AFF4: variants seen among roughly 807,000 people sequenced by gnomAD.
The protein encoded by AFF4 is AF4/FMR2 family member 4.
A neutral mutation model predicts 124.8 loss-of-function variants in AFF4; 13 were observed. The observed-to-expected ratio is 0.10, with a 90% CI of 0.07 to 0.17. The LOEUF is 0.17. Ranked by LOEUF, AFF4 falls within the 10% of genes least tolerant of loss-of-function variation. AFF4 has a pLI of 1.00. For missense variants in AFF4, 1,092 were observed against 1,403.8 expected (o/e 0.78, Z 3.55); for synonymous variants, 477 against 496.1 (o/e 0.96, Z 0.51).
intron 1 of AFF4, among the ~76,000 whole-genome samples, chr5:132,955,006 T>C (rs960281211): frequency 4.6e-5 from 7 of 152,198 alleles, no homozygotes; most frequent in Admixed American, 2.6e-4. Context: ...GGATGCTGAA[T>C]GCAGAGATTG....
chr5:132,913,776 T>C (rs1442025456), intron 5 of AFF4, among the ~76,000 whole-genome samples: 1 of 151,886 alleles, frequency 6.6e-6, no homozygotes, highest in African/African-American at 2.4e-5. Flanking sequence ...CACAAAACAT[T>C]AGCAAAAAAA....
rs773625755 is a variant in AFF4 at position 132,927,105 on chromosome 5, C to T, written c.1050+16G>A. On this transcript the variant is annotated intron_variant, in intron 5 of 20. Coordinates refer to ENST00000265343, the MANE Select transcript of AFF4 (RefSeq NM_014423.4). ...GAGTTTTCTTACATTATGAAAGATA[C>T]ATTTTATTTACTTACCTTAGTTGGA... is the stretch of plus-strand genomic sequence containing the variant. 15 of 1,601,122 alleles carry T rather than the reference C, an allele frequency of 9.4e-6. No homozygotes were observed. The highest frequency in any genetic ancestry group is 1.2e-5 in the Non-Finnish European group (14 of 1,171,022).
At chr5:132,922,129 A>G (rs1761061900) in intron 5 of AFF4, among the ~76,000 whole-genome samples, 1 of 152,176 alleles carries the variant, frequency 6.6e-6, no homozygotes. Context: ...ATACAGACAT[A>G]AAAACAGGCC....
At chr5:132,928,357 A>G (rs968598746) in intron 4 of AFF4, among the ~76,000 whole-genome samples, 15 of 152,144 alleles carry the variant, frequency 9.9e-5, no homozygotes, top group African/African-American at 3.6e-4. Context: ...AGGTCATCAA[A>G]ACCTTAAACC....
chr5:132,934,156 T>G lies in AFF4; in HGVS notation c.909A>C (p.Gln303His). Reference protein sequence around the residue: ...AHLTKLKIPSQPLDASASGDV... With the variant: ...AHLTKLKIPSHPLDASASGDV... Reference sequence around the variant, plus strand: ...TAAATGTGTGACTTACATCCAGTGGTTGGGAAGGTATTTTCAGCTTGGTGA... The same window carrying G: ...TAAATGTGTGACTTACATCCAGTGGGTGGGAAGGTATTTTCAGCTTGGTGA... The change falls in exon 3 of 21, where the codon CAA becomes CAC. Residue 303 changes from glutamine (Q) to histidine (H), a missense_variant. Around this residue, in one of 11 missense-constraint regions of AFF4, gnomAD observed 148 missense variants for 196.3 expected, o/e 0.75. Transcript: ENST00000265343. The G allele has an allele frequency of 1.2e-6, 2 of 1,611,966 alleles. No individual in the cohort carries two copies. The highest frequency in any genetic ancestry group is 1.7e-6 in the Non-Finnish European group (2 of 1,178,466).
chr5:132,941,391 T>C (rs914080479), intron 1 of AFF4, among the ~76,000 whole-genome samples: 14 of 152,246 alleles, frequency 9.2e-5, no homozygotes, highest in Admixed American at 5.2e-4. Context: ...TGGAAAGCAG[T>C]GGCACAATCT....
At chr5:132,893,317 A>G (rs1760308629) in intron 11 of AFF4, among the ~76,000 whole-genome samples, 199 bp from the exon 12 acceptor site, 2 of 152,352 alleles carry the variant, frequency 1.3e-5, no homozygotes, top group South Asian at 2.1e-4. Flanking sequence ...CAAAACCCAG[A>G]GACTGAAACG....
At chr5:132,929,343 C>T (rs1761251160) in intron 4 of AFF4, among the ~76,000 whole-genome samples, 1 of 152,070 alleles carries the variant, frequency 6.6e-6, no homozygotes, top group South Asian at 2.1e-4. Context: ...GTGCCAAGCC[C>T]CTGCACATAT....
chr5:132,889,253 G>T, intron 13 of AFF4, 80 bp from the exon 14 acceptor site: 1 of 991,078 alleles, frequency 1.0e-6, no homozygotes, highest in Non-Finnish European at 1.5e-6. Flanking sequence ...TCAGCCACTG[G>T]TAAAAAGGAA....
chr5:132,899,073 C>A (rs1199166853), intron 9 of AFF4, 31 bp downstream of exon 9: 2 of 1,603,758 alleles, frequency 1.2e-6, no homozygotes, highest in African/African-American at 2.7e-5. Context: ...CCAACTCTTA[C>A]CAATAAAACA....
At chr5:132,945,174 G>A (rs1443953990) in intron 1 of AFF4, 1 of 152,468 alleles carries the variant, frequency 6.6e-6, no homozygotes, top group Non-Finnish European at 1.5e-5. Context: ...AACAGTGCAT[G>A]GTGAAATCTT....
chr5:132,916,808 A>C (rs1760921722), intron 5 of AFF4, among the ~76,000 whole-genome samples: 1 of 152,244 alleles, frequency 6.6e-6, no homozygotes, highest in African/African-American at 2.4e-5. Context: ...AAAAATTAGA[A>C]AAAACTTTTA....
chr5:132,959,127 ATTT>A (rs70974064), intron 1 of AFF4, among the ~76,000 whole-genome samples: 47 of 143,212 alleles, frequency 3.3e-4, no homozygotes, highest in Admixed American at 6.3e-4. Context: ...CAGGTTACAG[ATTT>A]TTTTTTTTTT....
chr5:132,889,647 A>C (rs555727217), intron 13 of AFF4, among the ~76,000 whole-genome samples: 50 of 152,366 alleles, frequency 3.3e-4, no homozygotes, highest in African/African-American at 1.2e-3. Context: ...TATTAAGATA[A>C]AATGAAAAAG....
chr5:132,924,347 TA>T (rs1169017468), intron 5 of AFF4, among the ~76,000 whole-genome samples: 1 of 152,038 alleles, frequency 6.6e-6, no homozygotes, highest in African/African-American at 2.4e-5. Context: ...AGTAAATATA[TA>T]AAAGAAGCAC....
intron 5 of AFF4, among the ~76,000 whole-genome samples, chr5:132,910,658 A>AGTC (rs1760774809): frequency 6.6e-6 from 1 of 152,230 alleles, no homozygotes. Flanking sequence ...CCTTAGCAAC[A>AGTC]GTCAGTCAGT....
chr5:132,908,833 T>C (rs10479012), intron 5 of AFF4, among the ~76,000 whole-genome samples: 72,593 of 146,784 alleles, frequency 0.49, 18,243 homozygotes, highest in East Asian at 0.71. Flanking sequence ...TGCAGTGGTG[T>C]GATTTCGGCT....
rs1760397892 is a variant in AFF4, at chr5:132,896,399, A to C, written c.2231T>G (p.Val744Gly). 3.7e-6 allele frequency: 6 copies of C among 1,613,746 alleles called. No homozygotes were observed. The highest frequency in any genetic ancestry group is 5.1e-6 in the Non-Finnish European group (6 of 1,179,948). Residue 744 changes from valine (V) to glycine (G), a missense_variant, in exon 11 of 21, where the codon GTG (valine) becomes GGG (glycine). Around this residue, in one of 11 missense-constraint regions of AFF4, gnomAD observed 293 missense variants for 280.2 expected, o/e 1.05. Transcript: ENST00000265343. ...AGCCTCTCTCGTGTGCTTTTCTGGC[A>C]CATTTTTCTTTTCCCCCTTGGGCGG... The part of the protein sequence containing the change: ...TEPPKGEKKN[V>G]PEKHTREAQK...
chr5:132,942,332 T>C (rs1390660544), intron 1 of AFF4, among the ~76,000 whole-genome samples: 1 of 151,936 alleles, frequency 6.6e-6, no homozygotes, highest in Non-Finnish European at 1.5e-5. Context: ...AAATGAAGAG[T>C]TACAGAGGCA....
Sources: gnomAD v4.1 joint callset for allele counts (sites outside exome capture counted in the v4.1 genomes callset) on GRCh38, gnomAD v4.1.1 for gene constraint, gnomAD v4.1.1 regional missense constraint, MANE v1.5 for transcripts, NCBI Gene and HGNC (gene_info 2026-07-23, HGNC 2026-07-21) for gene names.